The following DHX29 variants were observed in gnomAD, a reference collection of about 807,000 sequenced individuals.
DHX29 encodes the protein DExH-box helicase 29.
Under a neutral mutation model 167.9 loss-of-function variants are expected in DHX29, and 79 were observed. The observed-to-expected ratio is 0.47, with a 90% confidence interval of 0.39 to 0.57. The LOEUF (loss-of-function observed/expected upper bound fraction) is 0.57, where lower values mean the gene tolerates loss of function less well. DHX29 is among the 20% of genes least tolerant of loss of function. DHX29 has a pLI of 0.00. For missense variants in DHX29, 1,347 were observed against 1,593.4 expected, an observed-to-expected ratio of 0.85 and a Z score of 2.63; for synonymous variants, 530 against 546.0, an observed-to-expected ratio of 0.97 and a Z score of 0.41.
intron 12 of DHX29, among the ~76,000 whole-genome samples, chr5:55,281,080 C>CACAT (rs200956085): frequency 0.13 from 19,178 of 149,626 alleles, 1,456 homozygotes; most frequent in East Asian, 0.26. Context: ...CACACACACA[C>CACAT]GCTATATATA....
At position 55,270,575 on chromosome 5, in the gene DHX29, T is replaced by C. The variant is rs111401562; in HGVS notation, c.2993+3A>G. Reference sequence around the variant, plus strand: ...GTTTTACATTTCCAGTGCTATGCCATACCTTTCTCTTGTGTACATTCGGAA... The same window carrying C: ...GTTTTACATTTCCAGTGCTATGCCACACCTTTCTCTTGTGTACATTCGGAA... On this transcript the variant is annotated splice_donor_region_variant and intron_variant, in intron 19 of 26. Transcript: ENST00000251636. 4 of 1,614,170 alleles carry C rather than the reference T, an allele frequency of 2.5e-6. No homozygotes were observed. Among genetic ancestry groups the C allele is most frequent in the Non-Finnish European group, 3.4e-6 (4 of 1,180,020 alleles).
chr5:55,289,516 C>G (rs1747927377), intron 7 of DHX29, 88 bp from the exon 8 acceptor site: 4 of 1,091,562 alleles, frequency 3.7e-6, no homozygotes, highest in Middle Eastern at 3.2e-4. Flanking sequence ...ATTTATACAC[C>G]AAGAGTTTCA....
At chr5:55,285,650 T>G in intron 9 of DHX29, 46 bp downstream of exon 9, 1 of 1,511,262 alleles carries the variant, frequency 6.6e-7, no homozygotes, top group African/African-American at 1.4e-5. Flanking sequence ...TAAATTTTTC[T>G]AAAGTTCATT....
intron 5 of DHX29, among the ~76,000 whole-genome samples, chr5:55,294,389 T>C (rs1434767500): frequency 6.6e-6 from 1 of 152,178 alleles, no homozygotes; most frequent in Admixed American, 6.5e-5. Flanking sequence ...TAAAAACTAG[T>C]GTTGGCTGGG....
At chr5:55,284,159 G>A (rs1747592950) in intron 10 of DHX29, among the ~76,000 whole-genome samples, 1 of 152,122 alleles carries the variant, frequency 6.6e-6, no homozygotes, top group Non-Finnish European at 1.5e-5. Flanking sequence ...TTTTTAAAAT[G>A]GAGCTAGTAA....
At chr5:55,297,886 C>G (rs1418009368) in intron 2 of DHX29, among the ~76,000 whole-genome samples, 2 of 152,210 alleles carry the variant, frequency 1.3e-5, no homozygotes, top group Admixed American at 1.3e-4. Flanking sequence ...CTTTTTCCTA[C>G]TAGCCATTTT....
chr5:55,271,885 T>C lies in DHX29; in HGVS notation c.2864+202A>G, dbSNP rs1265693853. ...AGTAGCAGTATACTGGTATTACTTATGGGAAAACCCATGAAATGAAATTCT... is the reference window on the plus strand; with the variant it reads ...AGTAGCAGTATACTGGTATTACTTACGGGAAAACCCATGAAATGAAATTCT... On this transcript the variant is annotated intron_variant, in intron 18 of 26. Coordinates refer to ENST00000251636, the MANE Select transcript of DHX29 (RefSeq NM_019030.4). Among the ~76,000 whole-genome samples the C allele has an allele frequency of 1.3e-5, 2 of 152,192 alleles. No homozygotes were observed. Among genetic ancestry groups the C allele is most frequent in the Non-Finnish European group, 2.9e-5 (2 of 68,036 alleles).
At position 55,256,360 on chromosome 5, in the gene DHX29, C is replaced by A. The variant is rs373110583; in HGVS notation, c.*128G>T. On this transcript the variant is annotated 3_prime_UTR_variant, in exon 27 of 27. Coordinates refer to ENST00000251636, the MANE Select transcript of DHX29 (RefSeq NM_019030.4). ...TAAAGTATGTGCTTTTTTCCCACCA[C>A]CTTTAAGTTAATGGCTAGTACCAAC... 1 of 690,676 alleles carries A rather than the reference C, an allele frequency of 1.4e-6. No individual in the cohort carries two copies. Among genetic ancestry groups the A allele is most frequent in the Middle Eastern group, 4.3e-4 (1 of 2,300 alleles). 42.8% of individuals were successfully genotyped at this position (690,676 alleles called of 1,614,324 possible). A position where few individuals can be genotyped will look rare whatever the true frequency, so the allele number is the denominator to read the frequency against.
chr5:55,270,064 G>T (rs185735822), intron 20 of DHX29, among the ~76,000 whole-genome samples: 37 of 151,978 alleles, frequency 2.4e-4, no homozygotes, highest in Admixed American at 5.9e-4. Flanking sequence ...AGATGTTTAG[G>T]AGTATCCCAG....
intron 16 of DHX29, 55 bp downstream of exon 16, chr5:55,274,559 C>G: frequency 7.6e-7 from 1 of 1,308,698 alleles, no homozygotes; most frequent in Non-Finnish European, 1.1e-6. Flanking sequence ...TTTTAATGTA[C>G]CAAATATTTT....
intron 3 of DHX29, 148 bp downstream of exon 3, chr5:55,297,137 G>A: frequency 1.7e-6 from 1 of 584,818 alleles, no homozygotes; most frequent in East Asian, 2.9e-5. Context: ...TTGATTTAAG[G>A]TGTGCACAAT....
chr5:55,288,678 G>A (rs4865933), intron 8 of DHX29, among the ~76,000 whole-genome samples: 1,628 of 152,166 alleles, frequency 0.011, 111 homozygotes, highest in Admixed American at 0.097. Flanking sequence ...TAACTTGGGA[G>A]CACAAAGAAG....
intron 3 of DHX29, among the ~76,000 whole-genome samples, chr5:55,296,610 T>A (rs1748334846): frequency 6.6e-6 from 1 of 152,198 alleles, no homozygotes; most frequent in Non-Finnish European, 1.5e-5. Context: ...TTCAGTCATT[T>A]TTCCATAATT....
chr5:55,262,603 A>G, intron 24 of DHX29, 27 bp downstream of exon 24: 1 of 1,608,738 alleles, frequency 6.2e-7, no homozygotes, highest in Non-Finnish European at 8.5e-7. Flanking sequence ...TGCTCTGAAT[A>G]CTGGAATTTA....
chr5:55,274,383 G>GA (rs1275659050), intron 16 of DHX29, among the ~76,000 whole-genome samples: 1 of 152,008 alleles, frequency 6.6e-6, no homozygotes, highest in African/African-American at 2.4e-5. Context: ...AACAGAGAGA[G>GA]AATCTGTCTC....
chr5:55,263,195 T>C (rs1214484313), intron 23 of DHX29, among the ~76,000 whole-genome samples: 1 of 152,170 alleles, frequency 6.6e-6, no homozygotes, highest in Non-Finnish European at 1.5e-5. Context: ...AAAATGTGTC[T>C]GAACACATTT....
chr5:55,290,206 G>A lies in DHX29; in HGVS notation c.907+12C>T, dbSNP rs146314956. On this transcript the variant is annotated intron_variant, in intron 7 of 26. Coordinates refer to ENST00000251636, the MANE Select transcript of DHX29 (RefSeq NM_019030.4). ...ATTACATTTATACATCTAAGTATTT[G>A]AAAGTGTTTACCTCTTTGAAATTTC... 205 of 1,598,874 alleles carry A rather than the reference G, an allele frequency of 1.3e-4. No homozygotes were observed. The highest frequency in any genetic ancestry group is 1.7e-4 in the Non-Finnish European group (203 of 1,176,550).
At position 55,269,572 on chromosome 5, in the gene DHX29, C is replaced by T; in HGVS notation, c.3135G>A (p.Val1045=). 12 of 1,614,112 alleles carry T rather than the reference C, an allele frequency of 7.4e-6. No homozygotes were observed. The highest frequency in any genetic ancestry group is 8.5e-6 in the Non-Finnish European group (10 of 1,180,028). ...SKALDPPQLQ[V]ISNAMNLLRK... ...GGAGCAAATTCATTGCATTGCTGAT[C>T]ACTTGGAGCTGAGGAGGATCTAAGG... is the stretch of plus-strand genomic sequence containing the variant. Residue 1045 remains valine (V), a synonymous_variant, in exon 21 of 27, where the codon GTG becomes GTA. Transcript: ENST00000251636.
At chr5:55,261,900 T>C (rs1468387960) in intron 24 of DHX29, among the ~76,000 whole-genome samples, 1 of 152,164 alleles carries the variant, frequency 6.6e-6, no homozygotes, top group Non-Finnish European at 1.5e-5. Context: ...TTAAGTTTGA[T>C]AAATGTTGAG....
Sources: allele counts gnomAD v4.1 joint callset (sites outside exome capture counted in the v4.1 genomes callset), GRCh38; gene constraint gnomAD v4.1.1; transcripts MANE v1.5; gene names NCBI Gene and HGNC (gene_info 2026-07-23, HGNC 2026-07-21).